The following ADGRG6 variants were observed in gnomAD, a reference collection of about 807,000 sequenced individuals.
ADGRG6 encodes adhesion G protein-coupled receptor G6.
Under a neutral mutation model 142.4 loss-of-function variants are expected in ADGRG6, and 84 were observed. The observed-to-expected ratio is 0.59, with a 90% CI of 0.49 to 0.71. The LOEUF is 0.71. Among genes scored for constraint, ADGRG6 ranks in the 30% least tolerant of loss-of-function variants. The pLI is 0.00. For missense variants in ADGRG6, 1,367 were observed against 1,466.6 expected (o/e 0.93, Z 1.11); for synonymous variants, 521 against 520.5 (o/e 1.00, Z -0.01).
chr6:142,359,525 C>A (rs1388888062), intron 2 of ADGRG6, among the ~76,000 whole-genome samples: 1 of 152,180 alleles, frequency 6.6e-6, no homozygotes, highest in Non-Finnish European at 1.5e-5. Context: ...GGCTCACTCC[C>A]AAACTGCATA....
chr6:142,379,160 GTTATTTCCTATCTCCTT>G (rs1781634178), intron 4 of ADGRG6, among the ~76,000 whole-genome samples: 1 of 152,098 alleles, frequency 6.6e-6, no homozygotes, highest in Non-Finnish European at 1.5e-5. Flanking sequence ...CTCTTCTTCT[GTTATTTCCTATCTCCTT>G]TTATTAGATC....
intron 7 of ADGRG6, 115 bp from the exon 8 acceptor site, chr6:142,392,833 T>G (rs1774967911): frequency 1.5e-6 from 1 of 687,822 alleles, no homozygotes; most frequent in Non-Finnish European, 2.6e-6. Flanking sequence ...CTCCAACTCT[T>G]CAGGATTTTC....
At chr6:142,348,120 A>C (rs1300629306) in intron 2 of ADGRG6, among the ~76,000 whole-genome samples, 3 of 152,172 alleles carry the variant, frequency 2.0e-5, no homozygotes, top group Non-Finnish European at 4.4e-5. Flanking sequence ...CATTAGCTGC[A>C]TGGTAATGGG....
intron 2 of ADGRG6, among the ~76,000 whole-genome samples, chr6:142,358,996 A>G (rs1780585048): frequency 6.6e-6 from 1 of 151,564 alleles, no homozygotes; most frequent in Admixed American, 6.6e-5. Context: ...ACTTGAGTCC[A>G]GGAGTTTGAG....
At chr6:142,434,754 C>CA (rs1777394866) in intron 22 of ADGRG6, among the ~76,000 whole-genome samples, 1 of 152,086 alleles carries the variant, frequency 6.6e-6, no homozygotes. Context: ...AATTTATAGA[C>CA]AGCACCTATT....
At chr6:142,414,436 A>C (rs975945862) in intron 18 of ADGRG6, among the ~76,000 whole-genome samples, 1 of 152,266 alleles carries the variant, frequency 6.6e-6, no homozygotes, top group South Asian at 2.1e-4. Context: ...ATACATACCA[A>C]GCATTGAAAT....
At chr6:142,375,876 C>T (rs1047794798) in intron 4 of ADGRG6, among the ~76,000 whole-genome samples, 7 of 152,058 alleles carry the variant, frequency 4.6e-5, no homozygotes, top group Non-Finnish European at 8.8e-5. Context: ...ACATATTAAA[C>T]ATCCTAGCCT....
At chr6:142,393,733 A>C (rs1041313683) in intron 8 of ADGRG6, among the ~76,000 whole-genome samples, 163 bp from the exon 9 acceptor site, 1 of 152,170 alleles carries the variant, frequency 6.6e-6, no homozygotes, top group East Asian at 1.9e-4. Context: ...GCAAAAGCAC[A>C]CAGTTGCCTA....
At chr6:142,364,471 CTT>C (rs1780859705) in intron 2 of ADGRG6, among the ~76,000 whole-genome samples, 2 of 152,184 alleles carry the variant, frequency 1.3e-5, no homozygotes, top group African/African-American at 2.4e-5. Context: ...TTTTACCTCT[CTT>C]AAAATTTTAA....
intron 4 of ADGRG6, 24 bp from the exon 5 acceptor site, chr6:142,381,927 C>G: frequency 6.8e-7 from 1 of 1,465,154 alleles, no homozygotes; most frequent in Non-Finnish European, 9.4e-7. Flanking sequence ...ATCAAACTTA[C>G]ATATTCTTTT....
chr6:142,420,157 C>A, intron 22 of ADGRG6, 53 bp downstream of exon 22: 1 of 1,400,054 alleles, frequency 7.1e-7, no homozygotes, highest in Non-Finnish European at 1.0e-6. Context: ...GTCATATTTG[C>A]AAGCAGCTTC....
chr6:142,411,355 G>C lies in ADGRG6; in HGVS notation c.2485G>C (p.Asp829His). The C allele has an allele frequency of 1.2e-6, 2 of 1,609,938 alleles. No individual in the cohort carries two copies. The highest frequency in any genetic ancestry group is 1.3e-5 in the African/African-American group (1 of 74,950). Residue 829 changes from aspartate to histidine, a missense_variant, in exon 18 of 25, where the codon GAT becomes CAT. Physicochemically the swap from Asp to His is moderately conservative, Grantham distance 81. Transcript: ENST00000367609. ...TSGCVAHRDS[D>H]ASETVCLCNH... Reference sequence around the variant, plus strand: ...AGGATGTGTTGCACACAGAGATTCAGATGCAAGTGAGACAGTCTGCCTGTG... The same window carrying C: ...AGGATGTGTTGCACACAGAGATTCACATGCAAGTGAGACAGTCTGCCTGTG...
chr6:142,419,327 A>C (rs535957045), intron 21 of ADGRG6, among the ~76,000 whole-genome samples: 57 of 152,168 alleles, frequency 3.7e-4, no homozygotes, highest in Non-Finnish European at 6.5e-4. Context: ...TTGAAGCAGG[A>C]AGAAGGAATA....
intron 22 of ADGRG6, among the ~76,000 whole-genome samples, chr6:142,425,580 C>T (rs1277562341): frequency 1.3e-5 from 2 of 152,120 alleles, no homozygotes; most frequent in African/African-American, 4.8e-5. Flanking sequence ...ATATTTTAGT[C>T]CCTTTTAGAT....
chr6:142,325,593 C>T (rs1778735149), intron 2 of ADGRG6, among the ~76,000 whole-genome samples: 1 of 151,834 alleles, frequency 6.6e-6, no homozygotes, highest in Non-Finnish European at 1.5e-5. Flanking sequence ...TTTTAAAGAC[C>T]AAATATTTCT....
At chr6:142,361,950 A>AT in intron 2 of ADGRG6, among the ~76,000 whole-genome samples, 1 of 152,302 alleles carries the variant, frequency 6.6e-6, no homozygotes, top group South Asian at 2.1e-4. Context: ...GTATATCTAC[A>AT]TAACAGGCTG....
chr6:142,309,617 TTA>T lies in ADGRG6; in HGVS notation c.82_83del (p.Ile28HisfsTer31). 4 of 1,604,236 alleles carry T rather than the reference TTA, an allele frequency of 2.5e-6. No individual in the cohort carries two copies. Among genetic ancestry groups the T allele is most frequent in the Non-Finnish European group, 3.4e-6 (4 of 1,174,182 alleles). On this transcript the variant is annotated frameshift_variant, in exon 2 of 25. Coordinates refer to ENST00000367609, the MANE Select transcript of ADGRG6 (RefSeq NM_198569.3). LOFTEE classifies it high-confidence loss of function. ...CAGTCCTCTCCTGTTCTTATTTGCT[TTA>T]TATATCATGTGTGTTCCTCACTCAG... ...KPSPLLFLFA[L>X]YIMCVPHSVW... is the part of the protein sequence containing the mutation.
At chr6:142,394,910 A>G (rs1195117597) in intron 9 of ADGRG6, among the ~76,000 whole-genome samples, 1 of 152,204 alleles carries the variant, frequency 6.6e-6, no homozygotes, top group South Asian at 2.1e-4. Flanking sequence ...ACAATTTTTT[A>G]AAAATTTGTT....
intron 2 of ADGRG6, among the ~76,000 whole-genome samples, chr6:142,322,488 C>T (rs189337252): frequency 3.0e-4 from 46 of 152,208 alleles, no homozygotes; most frequent in Non-Finnish European, 2.6e-4. Context: ...TAAGATGCCA[C>T]CTCACCTTTC....
Sources: gnomAD v4.1 joint callset for allele counts (sites outside exome capture counted in the v4.1 genomes callset) on GRCh38, gnomAD v4.1.1 for gene constraint, MANE v1.5 for transcripts, NCBI Gene and HGNC (gene_info 2026-07-23, HGNC 2026-07-21) for gene names.